The following MAPRE2 variants were observed in gnomAD, a reference collection of about 807,000 sequenced individuals.
The protein encoded by MAPRE2 is microtubule-associated protein RP/EB family member 2.
In MAPRE2, 13 loss-of-function variants were observed where a neutral mutation model predicts 43.2. That is an observed-to-expected ratio of 0.30 (90% CI 0.20 to 0.48). MAPRE2 has a LOEUF of 0.48. Among genes scored for constraint, MAPRE2 ranks in the 20% least tolerant of loss-of-function variants. The pLI is 0.99. For missense variants in MAPRE2, 161 were observed against 400.2 expected (o/e 0.40, Z 5.10); for synonymous variants, 135 against 148.8 (o/e 0.91, Z 0.68).
chr18:35,017,273 G>T (rs273357), intron 2 of MAPRE2, among the ~76,000 whole-genome samples: 81,153 of 127,484 alleles, frequency 0.64, 24,126 homozygotes, highest in East Asian at 0.77. Flanking sequence ...GCATAGGATT[G>T]CTTTGGCTAT....
chr18:35,126,561 AT>A (rs1909911824), intron 4 of MAPRE2, among the ~76,000 whole-genome samples: 1 of 152,234 alleles, frequency 6.6e-6, no homozygotes, highest in South Asian at 2.1e-4. Flanking sequence ...TTAATTGGTT[AT>A]AAGATCTTTT....
intron 1 of MAPRE2, among the ~76,000 whole-genome samples, chr18:34,979,725 C>A (rs549554954): frequency 6.6e-6 from 1 of 152,202 alleles, no homozygotes; most frequent in South Asian, 2.1e-4. Flanking sequence ...ATTAAATGAT[C>A]TATTTAAATA....
chr18:35,140,585 C>T lies in MAPRE2; in HGVS notation c.*216C>T, dbSNP rs376651024. The T allele has an allele frequency of 2.6e-5, 14 of 539,304 alleles. No homozygotes were observed. Among genetic ancestry groups the T allele is most frequent in the Admixed American group, 1.2e-4 (4 of 32,354 alleles). The allele number at this position is 539,304 out of a possible 1,614,324, so 33.4% of individuals were successfully genotyped here. On this transcript the variant is annotated 3_prime_UTR_variant, in exon 7 of 7. Transcript: ENST00000300249. Reference sequence around the variant, plus strand: ...CCCTCTGGCCACCTACCCGAGAGATCGTAGGGTCACATACATCCAACTTCA... The same window carrying T: ...CCCTCTGGCCACCTACCCGAGAGATTGTAGGGTCACATACATCCAACTTCA...
intron 2 of MAPRE2, among the ~76,000 whole-genome samples, chr18:35,080,906 AC>A (rs1464476275): frequency 2.0e-5 from 3 of 152,010 alleles, no homozygotes; most frequent in Admixed American, 1.3e-4. Context: ...GTGTGTTCTT[AC>A]CCAAATATTA....
rs558593929 is a variant in MAPRE2, at chr18:35,115,529, C to T, written c.611-11419C>T. 1.1e-4 allele frequency among the ~76,000 whole-genome samples: 16 copies of T among 152,208 alleles called. No individual in the cohort carries two copies. In the South Asian group the frequency reaches 3.1e-3, roughly 30 times the overall value. ...TATCCCACACTCAGCCCCCAACCTT[C>T]CCCACCCCCGAATCCCCAAAGTCTG... On this transcript the variant is annotated intron_variant, in intron 4 of 6. Transcript: ENST00000300249.
At chr18:35,030,576 G>A (rs1172246978) in intron 2 of MAPRE2, among the ~76,000 whole-genome samples, 1 of 152,144 alleles carries the variant, frequency 6.6e-6, no homozygotes, top group African/African-American at 2.4e-5. Context: ...TGAGAATAAA[G>A]TACCTCCTCA....
At chr18:35,021,936 C>CT (rs574497059) in intron 2 of MAPRE2, among the ~76,000 whole-genome samples, 69 of 152,132 alleles carry the variant, frequency 4.5e-4, no homozygotes, top group Admixed American at 4.5e-3. Flanking sequence ...GATGTTAGAG[C>CT]TTGAGGGTCA....
At chr18:35,121,909 T>C (rs1250368723) in intron 4 of MAPRE2, among the ~76,000 whole-genome samples, 1 of 152,214 alleles carries the variant, frequency 6.6e-6, no homozygotes, top group Non-Finnish European at 1.5e-5. Flanking sequence ...ATTCTATCAA[T>C]GTTAAGTTTA....
At chr18:35,059,597 C>G (rs1906416813) in intron 1 of MAPRE2, among the ~76,000 whole-genome samples, 1 of 152,116 alleles carries the variant, frequency 6.6e-6, no homozygotes, top group Admixed American at 6.5e-5. Context: ...GAGGAGTGGA[C>G]AGATGGTAAA....
intron 4 of MAPRE2, among the ~76,000 whole-genome samples, chr18:35,125,565 AG>A (rs1234692602): frequency 6.6e-6 from 1 of 152,248 alleles, no homozygotes; most frequent in African/African-American, 2.4e-5. Flanking sequence ...AGCACAGAGA[AG>A]GAACACCTGC....
intron 1 of MAPRE2, among the ~76,000 whole-genome samples, chr18:35,055,996 A>G (rs1328342716): frequency 1.3e-5 from 2 of 151,442 alleles, no homozygotes; most frequent in African/African-American, 4.8e-5. Context: ...TATGAATATG[A>G]GTGTTATAAC....
chr18:35,067,399 C>T (rs2957291), intron 1 of MAPRE2, among the ~76,000 whole-genome samples: 51,642 of 152,052 alleles, frequency 0.34, 12,318 homozygotes, highest in African/African-American at 0.66. Flanking sequence ...AGCAAATGAC[C>T]TGCTTCCTTG....
At position 34,995,780 on chromosome 18, in the gene MAPRE2, G is replaced by A. The variant is rs1480121504; in HGVS notation, c.-69-9712G>A. ...TAGTTTATCTCAGTTGGGATCATGTGAGTGAATGGCTCCTTTACCAAGCGC... is the reference window on the plus strand; with the variant it reads ...TAGTTTATCTCAGTTGGGATCATGTAAGTGAATGGCTCCTTTACCAAGCGC... On this transcript the variant is annotated intron_variant, in intron 1 of 7. Coordinates refer to the MAPRE2 transcript ENST00000413393. Among the ~76,000 whole-genome samples the A allele has an allele frequency of 2.0e-5, 3 of 152,198 alleles. No homozygotes were observed. The East Asian group carries it at 5.8e-4, about 29-fold the overall frequency.
chr18:35,037,961 C>G (rs933944630), upstream of MAPRE2, among the ~76,000 whole-genome samples: 4 of 152,190 alleles, frequency 2.6e-5, no homozygotes, highest in Non-Finnish European at 4.4e-5. Context: ...CTTGTAATAT[C>G]TGAGTCTGCT....
At chr18:34,995,315 G>T (rs532865353) in intron 1 of MAPRE2, among the ~76,000 whole-genome samples, 53 of 152,106 alleles carry the variant, frequency 3.5e-4, no homozygotes, top group Non-Finnish European at 6.8e-4. Context: ...ACAGAATTTG[G>T]CAGGACTTCC....
chr18:35,043,868 TA>T lies in MAPRE2; in HGVS notation c.122+2208del, dbSNP rs374223945. Among the ~76,000 whole-genome samples, 172 of 152,342 alleles carry T rather than the reference TA, an allele frequency of 1.1e-3. No homozygotes were observed. In the Middle Eastern group the frequency reaches 0.017, roughly 15 times the overall value. Reference sequence around the variant, plus strand: ...GATGTCCAGTGTAATAATTACCACTTATTTTTTTGGAGGGGCATAGGAAAAG... The same window carrying T: ...GATGTCCAGTGTAATAATTACCACTTTTTTTTTGGAGGGGCATAGGAAAAG... On this transcript the variant is annotated intron_variant, in intron 1 of 6. Transcript: ENST00000300249.
intron 1 of MAPRE2, among the ~76,000 whole-genome samples, chr18:35,063,556 T>C (rs1301193879): frequency 1.3e-5 from 2 of 150,576 alleles, no homozygotes; most frequent in Non-Finnish European, 2.9e-5. Context: ...TCCAAGTGGG[T>C]TTGGTATAAG....
intron 1 of MAPRE2, chr18:34,984,487 A>G (rs1211339301): frequency 2.0e-5 from 3 of 151,818 alleles, no homozygotes; most frequent in Admixed American, 1.3e-4. Context: ...GTTTTGAGGT[A>G]CATAACATCA....
At chr18:35,040,540 G>C (rs1265892065), upstream of MAPRE2, among the ~76,000 whole-genome samples, 1 of 152,192 alleles carries the variant, frequency 6.6e-6, no homozygotes, top group Non-Finnish European at 1.5e-5. Flanking sequence ...AATAGTATCT[G>C]TCACATAGCC....
Sources: gnomAD v4.1 joint callset for allele counts (sites outside exome capture counted in the v4.1 genomes callset) on GRCh38, gnomAD v4.1.1 for gene constraint, MANE v1.5 for transcripts, NCBI Gene and HGNC (gene_info 2026-07-23, HGNC 2026-07-21) for gene names.